Variants in ZZEF1 observed in about 807,000 individuals in gnomAD.
ZZEF1 encodes zinc finger ZZ-type and EF-hand domain-containing protein 1.
Under a neutral mutation model 342.8 loss-of-function variants are expected in ZZEF1, and 157 were observed. That is an observed-to-expected ratio of 0.46 (90% CI 0.40 to 0.52). The LOEUF is 0.52. Ranked by LOEUF, ZZEF1 falls within the 20% of genes least tolerant of loss-of-function variation. The probability of loss-of-function intolerance (pLI) is 0.00; values close to 1 mark genes in which losing one functional copy is unlikely to be tolerated. For synonymous variants in ZZEF1, 1,505 were observed against 1,429.1 expected (o/e 1.05, Z -1.20); for missense variants, 3,480 against 3,725.6 (o/e 0.93, Z 1.72).
Position 4,103,761 on chromosome 17 carries a change from T to A in ZZEF1, c.1573+872A>T, listed in dbSNP as rs1029664562. On this transcript the variant is annotated intron_variant, in intron 8 of 54. Transcript: ENST00000381638. ...AGTGAGACCCAATCTCTACAAAAAA[T>A]TTTTAAAAATTAACCAGGTATGCTG... Among the ~76,000 whole-genome samples the A allele has an allele frequency of 6.6e-5, 10 of 151,924 alleles. No homozygotes were observed. The South Asian group carries it at 8.3e-4, about 13-fold the overall frequency.
chr17:4,117,220 C>T, intron 2 of ZZEF1, 54 bp from the exon 3 acceptor site: 2 of 1,445,518 alleles, frequency 1.4e-6, no homozygotes, highest in Non-Finnish European at 1.9e-6. Context: ...GTAGTTTCCA[C>T]ATCCCCTGCC....
In ZZEF1 at chr17:4,064,431, C is replaced by T. The variant is rs1472648555; in HGVS notation, c.4648G>A (p.Val1550Met). The T allele has an allele frequency of 1.2e-6, 2 of 1,613,966 alleles. No homozygotes were observed. The highest frequency in any genetic ancestry group is 1.7e-6 in the Non-Finnish European group (2 of 1,179,866). Residue 1550 changes from valine to methionine, a missense_variant, in exon 29 of 55, where the codon GTG becomes ATG. This residue lies in a region of ZZEF1 where 1,528 missense variants were observed against 1,624.1 expected (regional missense o/e 0.94). Coordinates refer to ENST00000381638, the MANE Select transcript of ZZEF1 (RefSeq NM_015113.4). ...SMEEARLVPT[V>M]KEKYPVLKDV... ...TTCAGCACAGGGTATTTCTCTTTCA[C>T]TGTGGGCACCAGTCTGGCCTCCTCC... is the stretch of plus-strand genomic sequence containing the variant.
chr17:4,140,402 G>A (rs2058824201), intron 1 of ZZEF1, among the ~76,000 whole-genome samples: 1 of 152,088 alleles, frequency 6.6e-6, no homozygotes, highest in South Asian at 2.1e-4. Context: ...TCTTGCTTGA[G>A]CCCCAAGTGA....
chr17:4,070,625 C>A, intron 26 of ZZEF1, 59 bp downstream of exon 26: 1 of 1,554,742 alleles, frequency 6.4e-7, no homozygotes, highest in South Asian at 1.2e-5. Flanking sequence ...TTAAGATAGG[C>A]TTTCTTAAAA....
At chr17:4,142,491 C>G in intron 1 of ZZEF1, 51 bp downstream of exon 1, 1 of 1,570,050 alleles carries the variant, frequency 6.4e-7, no homozygotes, top group Non-Finnish European at 8.6e-7. Context: ...CCTTCAGTCC[C>G]CTGGGGGCGA....
In ZZEF1 at chr17:4,064,606, C is replaced by T. The variant is rs371455904; in HGVS notation, c.4473G>A (p.Leu1491=). 1 of 1,614,148 alleles carries T rather than the reference C, an allele frequency of 6.2e-7. No individual in the cohort carries two copies. Among genetic ancestry groups the T allele is most frequent in the Non-Finnish European group, 8.5e-7 (1 of 1,180,038 alleles). Residue 1491 remains leucine (L), a synonymous_variant, in exon 29 of 55, where the codon CTG becomes CTA. Transcript: ENST00000381638. ...PPATGDQSPG[L]GTQPKLPSSS... is the part of the protein sequence containing the mutation. ...TGGATGGCAGCTTTGGCTGGGTGCC[C>T]AGGCCAGGACTCTGGTCTCCTGTGG...
chr17:4,086,181 G>C (rs1489596886), intron 15 of ZZEF1, among the ~76,000 whole-genome samples: 1 of 152,190 alleles, frequency 6.6e-6, no homozygotes, highest in African/African-American at 2.4e-5. Flanking sequence ...CACAGCTATA[G>C]ATCTGAAACC....
intron 38 of ZZEF1, among the ~76,000 whole-genome samples, chr17:4,043,061 C>G (rs1001736554): frequency 3.3e-5 from 5 of 152,220 alleles, no homozygotes; most frequent in Non-Finnish European, 7.3e-5. Flanking sequence ...TGCCTGAGCC[C>G]TGTTTAAATG....
chr17:4,087,568 T>A (rs1200517732), intron 13 of ZZEF1, 34 bp from the exon 14 acceptor site: 8 of 1,550,338 alleles, frequency 5.2e-6, no homozygotes, highest in Middle Eastern at 1.7e-4. Flanking sequence ...TAAATAAAAC[T>A]GAAAAATGCA....
rs1025842876 is a variant in ZZEF1 at position 4,037,168 on chromosome 17, ATTGT to A, written c.6307-2880_6307-2877del. 4.9e-4 allele frequency among the ~76,000 whole-genome samples: 75 copies of A among 152,296 alleles called. 1 individual carries two copies. Among genetic ancestry groups the A allele is most frequent in the African/African-American group, 1.6e-3 (67 of 41,560 alleles). On this transcript the variant is annotated intron_variant, in intron 39 of 54. Coordinates refer to ENST00000381638, the MANE Select transcript of ZZEF1 (RefSeq NM_015113.4). ...CTGATATAACTAACTAAATAAATAAATTGTTTGATGAGAAACAGGATATTTACAT... is the reference window on the plus strand; with the variant it reads ...CTGATATAACTAACTAAATAAATAAATTGATGAGAAACAGGATATTTACAT...
At position 4,017,959 on chromosome 17, in the gene ZZEF1, A is replaced by T; in HGVS notation, c.7518T>A (p.Asp2506Glu). ...FLEVQKRFDG[D>E]ELTTDERIRS... is the part of the protein sequence containing the mutation. ...GTATCCTTTCATCTGTGGTGAGCTC[A>T]TCACCATCAAACCTGCAGAAGGGCA... Residue 2506 changes from aspartate to glutamate, a missense_variant, in exon 47 of 55, where the codon GAT (aspartate) becomes GAA (glutamate). By Grantham distance (45) the Asp-to-Glu change is conservative. This residue lies in a region of ZZEF1 where 1,269 missense variants were observed against 1,342.4 expected (regional missense o/e 0.95). Transcript: ENST00000381638. This position sits in a 1 kb window ranked among gnomAD's most constrained non-coding sequence, Gnocchi z 5.1. The T allele has an allele frequency of 6.2e-7, 1 of 1,613,462 alleles. No individual in the cohort carries two copies. The highest frequency in any genetic ancestry group is 8.5e-7 in the Non-Finnish European group (1 of 1,179,882).
chr17:4,031,563 C>A (rs528934054), intron 42 of ZZEF1, among the ~76,000 whole-genome samples: 1 of 152,166 alleles, frequency 6.6e-6, no homozygotes, highest in African/African-American at 2.4e-5. Flanking sequence ...TTTACATACA[C>A]GAAAACAGCA....
chr17:4,078,201 T>C (rs1215723051), intron 18 of ZZEF1, among the ~76,000 whole-genome samples, 159 bp from the exon 19 acceptor site: 3 of 152,188 alleles, frequency 2.0e-5, no homozygotes, highest in Non-Finnish European at 2.9e-5. Context: ...CCAAGAAAGA[T>C]GGTATTACGA....
intron 39 of ZZEF1, among the ~76,000 whole-genome samples, chr17:4,038,622 T>C (rs1029322716): frequency 3.9e-5 from 6 of 151,978 alleles, no homozygotes; most frequent in Non-Finnish European, 8.8e-5. Flanking sequence ...CTGGCCAACA[T>C]GGTGAAACCC....
chr17:4,113,967 C>T (rs1276996912), intron 4 of ZZEF1, among the ~76,000 whole-genome samples: 1 of 150,890 alleles, frequency 6.6e-6, no homozygotes, highest in African/African-American at 2.4e-5. Flanking sequence ...AAGATCCTGT[C>T]TTAAAAAGAA....
In ZZEF1 at chr17:4,095,909, C is replaced by A. The variant is rs1567837528; in HGVS notation, c.1835G>T (p.Cys612Phe). Residue 612 changes from cysteine to phenylalanine, a missense_variant, in exon 11 of 55, where the codon TGT becomes TTT. Physicochemically the swap from Cys to Phe is radical, Grantham distance 205 (BLOSUM62 -2). Around this residue, in one of 5 missense-constraint regions of ZZEF1, gnomAD observed 1,528 missense variants for 1,624.1 expected, o/e 0.94. Transcript: ENST00000381638. ...FAYNSSSDKF[C>F]AEEHFKRFEK... ...AAACCTTTTGAAGTGTTCTTCCGCA[C>A]AAAATTTATCTGAAGATGAGTTATA... 3.1e-6 allele frequency: 5 copies of A among 1,613,564 alleles called. No individual in the cohort carries two copies. Among genetic ancestry groups the A allele is most frequent in the East Asian group, 2.2e-5 (1 of 44,894 alleles).
intron 36 of ZZEF1, 38 bp from the exon 37 acceptor site, chr17:4,049,897 T>C (rs750935721): frequency 1.2e-5 from 20 of 1,602,606 alleles, no homozygotes; most frequent in Non-Finnish European, 1.7e-5. Flanking sequence ...TTAGAAGTTT[T>C]ATAATGAGAG....
chr17:4,066,666 G>C (rs1294567738), intron 27 of ZZEF1, 126 bp from the exon 28 acceptor site: 6 of 813,968 alleles, frequency 7.4e-6, no homozygotes, highest in Non-Finnish European at 1.2e-5. Context: ...ATCATTTAGA[G>C]GGGTTTGTAA....
intron 26 of ZZEF1, among the ~76,000 whole-genome samples, chr17:4,067,801 A>G (rs7209045): frequency 0.064 from 9,706 of 152,242 alleles, 428 homozygotes; most frequent in South Asian, 0.12. Context: ...TGGCACCATC[A>G]TAGCTCCCTG....
Sources: allele counts gnomAD v4.1 joint callset (sites outside exome capture counted in the v4.1 genomes callset), GRCh38; gene constraint gnomAD v4.1.1; regional missense constraint gnomAD v4.1.1; non-coding constraint Gnocchi (gnomAD v3.1); transcripts MANE v1.5; gene names NCBI Gene and HGNC (gene_info 2026-07-23, HGNC 2026-07-21).